Variants in NLGN1 observed in about 807,000 individuals in gnomAD.
NLGN1 encodes neuroligin 1.
In NLGN1, 12 loss-of-function variants were observed where a neutral mutation model predicts 65.5. The observed-to-expected ratio is 0.18, with a 90% CI of 0.12 to 0.30. The LOEUF (loss-of-function observed/expected upper bound fraction) is 0.30, where lower values mean the gene tolerates loss of function less well. Among genes scored for constraint, NLGN1 ranks in the 10% least tolerant of loss-of-function variants. NLGN1 has a pLI of 1.00. For missense variants in NLGN1, 750 were observed against 1,007.1 expected, an observed-to-expected ratio of 0.74 and a Z score of 3.46; for synonymous variants, 350 against 359.5, an observed-to-expected ratio of 0.97 and a Z score of 0.30.
chr3:173,416,018 T>A (rs1278912231), intron 1 of NLGN1, among the ~76,000 whole-genome samples: 2 of 151,926 alleles, frequency 1.3e-5, no homozygotes, highest in African/African-American at 4.8e-5. Context: ...GTGTGATTAT[T>A]GGTTGACACC....
At chr3:174,088,342 A>G (rs1743813466) in intron 4 of NLGN1, among the ~76,000 whole-genome samples, 1 of 152,216 alleles carries the variant, frequency 6.6e-6, no homozygotes, top group Non-Finnish European at 1.5e-5. Context: ...AGAACATTCA[A>G]ATGAAGGACA....
chr3:174,020,727 T>C (rs1005568746), intron 4 of NLGN1, among the ~76,000 whole-genome samples: 2 of 152,156 alleles, frequency 1.3e-5, no homozygotes, highest in Non-Finnish European at 2.9e-5. Flanking sequence ...TGTTATGCTC[T>C]TTAGTGGTGA....
intron 4 of NLGN1, among the ~76,000 whole-genome samples, chr3:173,961,728 T>C (rs1713614602): frequency 6.6e-6 from 1 of 152,064 alleles, no homozygotes; most frequent in Non-Finnish European, 1.5e-5. Flanking sequence ...ACCTTGAATG[T>C]CAGATATGAG....
chr3:174,237,158 G>C (rs1005810244), intron 4 of NLGN1, among the ~76,000 whole-genome samples: 1 of 151,974 alleles, frequency 6.6e-6, no homozygotes, highest in East Asian at 1.9e-4. Context: ...TTCTAATTTA[G>C]TGTAAGGAAT....
chr3:173,408,773 G>A (rs1214484673), intron 1 of NLGN1, among the ~76,000 whole-genome samples: 2 of 152,194 alleles, frequency 1.3e-5, no homozygotes, highest in African/African-American at 2.4e-5. Context: ...TTAGCTGGGC[G>A]TGGTGGCGGG....
intron 4 of NLGN1, among the ~76,000 whole-genome samples, chr3:174,273,913 G>GATTT (rs60600615): frequency 0.2 from 30,360 of 151,342 alleles, 3,255 homozygotes; most frequent in Middle Eastern, 0.23. Context: ...TTTGGTTATG[G>GATTT]ATTTATTTGC....
At chr3:173,538,155 T>G (rs1396500027) in intron 2 of NLGN1, among the ~76,000 whole-genome samples, 1 of 152,148 alleles carries the variant, frequency 6.6e-6, no homozygotes, top group Non-Finnish European at 1.5e-5. Context: ...CCCAGACCCG[T>G]GAATCCTGGG....
At chr3:174,236,668 A>G (rs1037251645) in intron 4 of NLGN1, among the ~76,000 whole-genome samples, 2 of 152,094 alleles carry the variant, frequency 1.3e-5, no homozygotes, top group African/African-American at 4.8e-5. Context: ...TGTCTTTAAT[A>G]TGTTACAATC....
At chr3:173,606,037 A>G (rs1751355830) in intron 3 of NLGN1, among the ~76,000 whole-genome samples, 1 of 152,054 alleles carries the variant, frequency 6.6e-6, no homozygotes, top group African/African-American at 2.4e-5. Flanking sequence ...TTCCATCTGA[A>G]CACTCTATGG....
intron 3 of NLGN1, among the ~76,000 whole-genome samples, chr3:173,730,533 G>T (rs182521603): frequency 6.6e-6 from 1 of 151,690 alleles, no homozygotes; most frequent in Admixed American, 6.6e-5. Context: ...AATTTCAGTG[G>T]TATTTTACAC....
intron 3 of NLGN1, among the ~76,000 whole-genome samples, chr3:173,638,079 A>AT (rs1001229708): frequency 1.3e-4 from 19 of 151,056 alleles, no homozygotes; most frequent in Non-Finnish European, 2.7e-4. Context: ...TTGAGATACG[A>AT]TTTTTTTTTC....
intron 4 of NLGN1, among the ~76,000 whole-genome samples, chr3:174,042,071 A>T (rs1732447860): frequency 6.6e-6 from 1 of 151,900 alleles, no homozygotes; most frequent in South Asian, 2.1e-4. Context: ...AAAACATTAG[A>T]TTATTGGACT....
chr3:173,612,782 A>C (rs1752506671), intron 3 of NLGN1, among the ~76,000 whole-genome samples: 1 of 152,110 alleles, frequency 6.6e-6, no homozygotes, highest in South Asian at 2.1e-4. Context: ...GTTGTTTTGC[A>C]GTTCTGGAGA....
intron 4 of NLGN1, among the ~76,000 whole-genome samples, chr3:174,215,743 G>GA (rs1013018279): frequency 6.6e-6 from 1 of 152,262 alleles, no homozygotes; most frequent in Non-Finnish European, 1.5e-5. Context: ...GTAGGTCGCA[G>GA]AAAACTGTGG....
chr3:174,236,992 A>G (rs1741833647), intron 4 of NLGN1, among the ~76,000 whole-genome samples: 2 of 152,134 alleles, frequency 1.3e-5, no homozygotes, highest in Admixed American at 6.5e-5. Context: ...AGCACCTATT[A>G]TATACTAGAA....
At chr3:173,477,677 T>A (rs1469270002) in intron 2 of NLGN1, among the ~76,000 whole-genome samples, 2 of 152,098 alleles carry the variant, frequency 1.3e-5, no homozygotes, top group African/African-American at 2.4e-5. Flanking sequence ...AATGGAAGCA[T>A]GGAAGCTAGA....
At position 174,174,214 on chromosome 3, in the gene NLGN1, A is replaced by G. The variant is rs565382092; in HGVS notation, c.647-101101A>G. Among the ~76,000 whole-genome samples, 4 of 152,074 alleles carry G rather than the reference A, an allele frequency of 2.6e-5. No individual in the cohort carries two copies. In the East Asian group the frequency reaches 7.7e-4, roughly 29 times the overall value. On this transcript the variant is annotated intron_variant, in intron 4 of 6. Transcript: ENST00000457714. ...TATATATATACCACAGTTTCTTTAT[A>G]CATTCATTCATTGATGGGCATTTGG...
At chr3:173,539,801 T>C (rs1299090303) in intron 2 of NLGN1, among the ~76,000 whole-genome samples, 2 of 138,336 alleles carry the variant, frequency 1.4e-5, no homozygotes, top group African/African-American at 5.6e-5. Context: ...TATATACATA[T>C]ATATACATAT....
At chr3:174,275,408 T>G in exon 5 of NLGN1, 1 of 1,612,540 alleles carries the variant, frequency 6.2e-7, no homozygotes, top group Non-Finnish European at 8.5e-7. Flanking sequence ...AACATTGGAT[T>G]CTTTGGTGGT....
Sources: gnomAD v4.1 joint callset for allele counts (sites outside exome capture counted in the v4.1 genomes callset) on GRCh38, gnomAD v4.1.1 for gene constraint, MANE v1.5 for transcripts, NCBI Gene and HGNC (gene_info 2026-07-23, HGNC 2026-07-21) for gene names.